Variants in UXS1 observed in about 807,000 individuals in gnomAD.
UXS1 encodes the protein UDP-glucuronic acid decarboxylase 1.
Under a neutral mutation model 62.6 loss-of-function variants are expected in UXS1, and 33 were observed. That is an observed-to-expected ratio of 0.53 (90% CI 0.40 to 0.70). UXS1 has a LOEUF of 0.70. Ranked by LOEUF, UXS1 falls within the 30% of genes least tolerant of loss-of-function variation. The pLI is 0.00. For synonymous variants in UXS1, 213 were observed against 206.8 expected (o/e 1.03, Z -0.26); for missense variants, 434 against 556.3 (o/e 0.78, Z 2.21).
intron 1 of UXS1, among the ~76,000 whole-genome samples, chr2:106,189,631 T>G (rs1008467930): frequency 2.0e-5 from 3 of 151,954 alleles, no homozygotes; most frequent in African/African-American, 7.3e-5. Context: ...ACCAAGAGCC[T>G]GGGGGACAGG....
chr2:106,094,304 G>A, intron 14 of UXS1, 147 bp from the exon 15 acceptor site: 1 of 939,438 alleles, frequency 1.1e-6, no homozygotes, highest in Non-Finnish European at 1.5e-6. Context: ...CCATGCTTTG[G>A]TTGTGACAGC....
chr2:106,110,934 C>G (rs936343816), intron 10 of UXS1, among the ~76,000 whole-genome samples: 1 of 152,146 alleles, frequency 6.6e-6, no homozygotes, highest in African/African-American at 2.4e-5. Flanking sequence ...GATGAATGAA[C>G]AAGAATGCCT....
At chr2:106,107,809 A>G (rs551012544) in intron 10 of UXS1, among the ~76,000 whole-genome samples, 1 of 152,318 alleles carries the variant, frequency 6.6e-6, no homozygotes, top group South Asian at 2.1e-4. Flanking sequence ...CACCGACACA[A>G]GGTTCATCTG....
chr2:106,100,960 G>T, intron 12 of UXS1, 98 bp downstream of exon 12: 1 of 1,425,778 alleles, frequency 7.0e-7, no homozygotes, highest in Non-Finnish European at 9.9e-7. Flanking sequence ...TCCTAAGTGT[G>T]CCGATGGCAA....
At chr2:106,127,297 A>C (rs561162049) in intron 7 of UXS1, among the ~76,000 whole-genome samples, 30 of 152,342 alleles carry the variant, frequency 2.0e-4, no homozygotes, top group African/African-American at 7.0e-4. Flanking sequence ...ATGCATACTT[A>C]GTTTTTTAAG....
intron 5 of UXS1, among the ~76,000 whole-genome samples, chr2:106,154,828 T>C (rs1321828539): frequency 6.6e-6 from 1 of 152,302 alleles, no homozygotes; most frequent in East Asian, 1.9e-4. Flanking sequence ...GGATGGCACA[T>C]GTATTAGTTC....
chr2:106,138,445 C>A, intron 6 of UXS1: 1 of 985,470 alleles, frequency 1.0e-6, no homozygotes, highest in Non-Finnish European at 1.2e-6. Context: ...GAGGCCCCCT[C>A]GGTCACCCAC....
At chr2:106,158,876 T>A (rs1050321493) in intron 4 of UXS1, among the ~76,000 whole-genome samples, 8 of 152,212 alleles carry the variant, frequency 5.3e-5, no homozygotes, top group African/African-American at 1.9e-4. Context: ...TTGAGGTATC[T>A]TTCAGATTTA....
At chr2:106,192,769 C>G (rs1475188159) in intron 1 of UXS1, among the ~76,000 whole-genome samples, 1 of 152,174 alleles carries the variant, frequency 6.6e-6, no homozygotes, top group African/African-American at 2.4e-5. Context: ...CCTAATCTCT[C>G]TTGGCCTTAA....
chr2:106,145,693 C>G (rs575985007), intron 5 of UXS1, among the ~76,000 whole-genome samples: 1 of 152,094 alleles, frequency 6.6e-6, no homozygotes, highest in Admixed American at 6.5e-5. Flanking sequence ...TGTTTTATAA[C>G]AAATGGGATG....
In UXS1 at chr2:106,093,954, A is replaced by G. The variant is rs928969763; in HGVS notation, c.*72T>C. On this transcript the variant is annotated 3_prime_UTR_variant, in exon 15 of 15. Coordinates refer to ENST00000283148, the MANE Select transcript of UXS1 (RefSeq NM_001253875.2). ...ACCTGTTAAAGTCTTTCTTTAAACG[A>G]CAACAAAAAAAAGCCAAAAATACAT... 35 of 1,472,674 alleles carry G rather than the reference A, an allele frequency of 2.4e-5. No individual in the cohort carries two copies. The highest frequency in any genetic ancestry group is 1.8e-4 in the Middle Eastern group (1 of 5,562). The allele number at this position is 1,472,674 out of a possible 1,614,324, so 91.2% of individuals were successfully genotyped here.
chr2:106,127,868 C>T (rs1380231978), intron 7 of UXS1, among the ~76,000 whole-genome samples: 2 of 152,174 alleles, frequency 1.3e-5, no homozygotes, highest in African/African-American at 4.8e-5. Flanking sequence ...AGCCCTAGCT[C>T]GAGTCATTTT....
intron 9 of UXS1, among the ~76,000 whole-genome samples, chr2:106,121,599 C>A (rs985588555): frequency 6.6e-6 from 1 of 152,128 alleles, no homozygotes. Context: ...ACTTTTGAGT[C>A]AAGATATTCT....
intron 4 of UXS1, among the ~76,000 whole-genome samples, 158 bp from the exon 5 acceptor site, chr2:106,158,276 T>A (rs888567339): frequency 1.3e-5 from 2 of 152,214 alleles, no homozygotes; most frequent in African/African-American, 4.8e-5. Context: ...GAGTCACTAG[T>A]TAACTTGAGG....
chr2:106,165,392 A>G (rs1683153136), intron 2 of UXS1, among the ~76,000 whole-genome samples: 1 of 152,172 alleles, frequency 6.6e-6, no homozygotes, highest in Admixed American at 6.5e-5. Flanking sequence ...ATACCAACCT[A>G]ATCATCACAA....
At chr2:106,145,101 A>G in intron 6 of UXS1, 89 bp downstream of exon 6, 1 of 1,411,074 alleles carries the variant, frequency 7.1e-7, no homozygotes, top group Non-Finnish European at 9.7e-7. Context: ...CAATGTGCTG[A>G]GTCAAACAGC....
chr2:106,123,471 A>T (rs910681285), intron 8 of UXS1, among the ~76,000 whole-genome samples: 4 of 152,172 alleles, frequency 2.6e-5, no homozygotes, highest in Non-Finnish European at 5.9e-5. Context: ...CAAATCATGT[A>T]TTTATTGAAA....
intron 14 of UXS1, among the ~76,000 whole-genome samples, chr2:106,094,873 T>C (rs373997024): frequency 6.6e-6 from 1 of 152,364 alleles, no homozygotes. Flanking sequence ...AGCGATGGTT[T>C]CACAGGTGTC....
chr2:106,184,975 G>C (rs764834267), intron 1 of UXS1, among the ~76,000 whole-genome samples: 1 of 152,148 alleles, frequency 6.6e-6, no homozygotes, highest in Non-Finnish European at 1.5e-5. Flanking sequence ...CTTCAGGCAT[G>C]TTCATCAAAA....
Sources: allele counts gnomAD v4.1 joint callset (sites outside exome capture counted in the v4.1 genomes callset), GRCh38; gene constraint gnomAD v4.1.1; transcripts MANE v1.5; gene names NCBI Gene and HGNC (gene_info 2026-07-23, HGNC 2026-07-21).